The following TINAG variants were observed in gnomAD, a reference collection of about 807,000 sequenced individuals.
TINAG encodes the protein tubulointerstitial nephritis antigen.
Under a neutral mutation model 72.7 loss-of-function variants are expected in TINAG, and 83 were observed. The ratio of observed to expected loss-of-function variants is 1.14; its 90% CI spans 0.96 to 1.37. The LOEUF is 1.37. Among genes scored for constraint, TINAG ranks in the 40% most tolerant of loss-of-function variants. The pLI, the probability that TINAG is intolerant of heterozygous loss-of-function variation, is 0.00. For synonymous variants in TINAG, 234 were observed against 189.9 expected (o/e 1.23, Z -1.91); for missense variants, 685 against 576.6 (o/e 1.19, Z -1.93).
intron 5 of TINAG, among the ~76,000 whole-genome samples, chr6:54,345,419 G>A (rs931202310): frequency 6.6e-6 from 1 of 152,080 alleles, no homozygotes; most frequent in Non-Finnish European, 1.5e-5. Flanking sequence ...TATTATAAAC[G>A]AGGCCCAAAT....
intron 5 of TINAG, among the ~76,000 whole-genome samples, chr6:54,345,735 G>C (rs1785105166): frequency 6.6e-6 from 1 of 152,040 alleles, no homozygotes; most frequent in South Asian, 2.1e-4. Flanking sequence ...TGGGAATTTA[G>C]TAGGGAGCTG....
At chr6:54,322,367 C>T (rs113887658) in intron 3 of TINAG, among the ~76,000 whole-genome samples, 3 of 151,370 alleles carry the variant, frequency 2.0e-5, no homozygotes, top group South Asian at 2.1e-4. Context: ...AAGATACAGG[C>T]GCCAACACTG....
Position 54,349,757 on chromosome 6 carries a change from A to G in TINAG, c.941A>G (p.Asn314Ser). 1 of 1,603,394 alleles carries G rather than the reference A, an allele frequency of 6.2e-7. No homozygotes were observed. The highest frequency in any genetic ancestry group is 1.1e-5 in the South Asian group (1 of 89,672). The change falls in exon 7 of 11, where the codon AAT (asparagine) becomes AGT (serine). Residue 314 changes from asparagine (N) to serine (S), a missense_variant. Coordinates refer to ENST00000259782, the MANE Select transcript of TINAG (RefSeq NM_014464.4). Reference sequence around the variant, plus strand: ...TGCTACCCACTTTTCAAAGACCAAAATGCTACCAACAATGGATGTGCCATG... The same window carrying G: ...TGCTACCCACTTTTCAAAGACCAAAGTGCTACCAACAATGGATGTGCCATG... ...HACYPLFKDQ[N>S]ATNNGCAMAS...
intron 9 of TINAG, among the ~76,000 whole-genome samples, chr6:54,363,741 T>C (rs1423932363): frequency 6.6e-6 from 1 of 151,286 alleles, no homozygotes; most frequent in Non-Finnish European, 1.5e-5. Flanking sequence ...GAACATTCAA[T>C]ATTTATTTAC....
At position 54,366,058 on chromosome 6, in the gene TINAG, G is replaced by A. The variant is rs184428184; in HGVS notation, c.1250+11422G>A. On this transcript the variant is annotated intron_variant, in intron 9 of 10. Transcript: ENST00000259782. ...AACTATATCCATAATCACGGTAGTA[G>A]AACTATCACTAAACAACTGTAGTAG... is the stretch of plus-strand genomic sequence containing the variant. 4.6e-5 allele frequency among the ~76,000 whole-genome samples: 7 copies of A among 151,630 alleles called. No homozygotes were observed. The Admixed American group carries it at 4.6e-4, about 10-fold the overall frequency.
intron 9 of TINAG, among the ~76,000 whole-genome samples, chr6:54,362,180 C>G (rs1388411290): frequency 6.6e-6 from 1 of 151,676 alleles, no homozygotes; most frequent in Non-Finnish European, 1.5e-5. Context: ...AAACAGTCTT[C>G]TATTGGAAGA....
chr6:54,334,181 G>C (rs1180573812), intron 4 of TINAG, among the ~76,000 whole-genome samples: 1 of 152,176 alleles, frequency 6.6e-6, no homozygotes, highest in Non-Finnish European at 1.5e-5. Context: ...TTGAGATATT[G>C]ATTGTATTCA....
chr6:54,328,607 G>A (rs115821348), intron 4 of TINAG, among the ~76,000 whole-genome samples: 2,743 of 152,064 alleles, frequency 0.018, 93 homozygotes, highest in African/African-American at 0.061. Context: ...GAACAAAATT[G>A]GACAGAGAAT....
At chr6:54,346,931 T>G (rs951820769) in intron 5 of TINAG, among the ~76,000 whole-genome samples, 2 of 152,128 alleles carry the variant, frequency 1.3e-5, no homozygotes, top group Non-Finnish European at 2.9e-5. Context: ...TATGGTTAGT[T>G]TTCTTGATTG....
At chr6:54,389,657 A>ATAGG (rs1176869344) in intron 10 of TINAG, 134 bp from the exon 11 acceptor site, 1 of 1,093,698 alleles carries the variant, frequency 9.1e-7, no homozygotes, top group African/African-American at 1.6e-5. Context: ...TTATTTAAAA[A>ATAGG]TAGGTAAGTT....
chr6:54,313,947 C>T (rs1040454409), intron 1 of TINAG, among the ~76,000 whole-genome samples: 1 of 151,726 alleles, frequency 6.6e-6, no homozygotes, highest in African/African-American at 2.4e-5. Context: ...TTTATATATC[C>T]ATGATTGTGG....
At chr6:54,330,756 A>C (rs1360047513) in intron 4 of TINAG, among the ~76,000 whole-genome samples, 1 of 152,192 alleles carries the variant, frequency 6.6e-6, no homozygotes, top group Non-Finnish European at 1.5e-5. Context: ...AGACACAATA[A>C]AAAATGGTAA....
At chr6:54,351,448 A>G (rs1785265092) in intron 8 of TINAG, 51 bp downstream of exon 8, 1 of 1,542,004 alleles carries the variant, frequency 6.5e-7, no homozygotes, top group African/African-American at 1.4e-5. Context: ...TTAATAAACA[A>G]CATTACATTG....
chr6:54,308,044 A>T, upstream of TINAG: 1 of 1,549,734 alleles, frequency 6.5e-7, no homozygotes, highest in Non-Finnish European at 8.7e-7. Flanking sequence ...TATTGATATG[A>T]CAGATCCTAG....
At chr6:54,386,525 C>A (rs1159791058) in intron 10 of TINAG, among the ~76,000 whole-genome samples, 3 of 152,064 alleles carry the variant, frequency 2.0e-5, no homozygotes, top group Admixed American at 6.6e-5. Flanking sequence ...TTAGAGGATG[C>A]CTGAAGTTCC....
Position 54,320,644 on chromosome 6 carries a change from T to C in TINAG, c.419+2T>C, listed in dbSNP as rs775273837. The C allele has an allele frequency of 2.5e-6, 4 of 1,606,976 alleles. No homozygotes were observed. The African/African-American group carries it at 4.0e-5, about 16-fold the overall frequency. On this transcript the variant is annotated splice_donor_variant, in intron 2 of 10. Coordinates refer to ENST00000259782, the MANE Select transcript of TINAG (RefSeq NM_014464.4). LOFTEE classifies it high-confidence loss of function. Reference sequence around the variant, plus strand: ...AATTAAAGAAAACTGCAACTCCTGGTAATAAATTTAAGTGGCACAGAACTG... The same window carrying C: ...AATTAAAGAAAACTGCAACTCCTGGCAATAAATTTAAGTGGCACAGAACTG...
intron 4 of TINAG, among the ~76,000 whole-genome samples, chr6:54,342,576 G>A (rs1785023511): frequency 6.6e-6 from 1 of 151,956 alleles, no homozygotes; most frequent in African/African-American, 2.4e-5. Flanking sequence ...CACCATGTTG[G>A]CCAGGCTGGT....
chr6:54,389,726 A>G, intron 10 of TINAG, 65 bp from the exon 11 acceptor site: 6 of 1,534,144 alleles, frequency 3.9e-6, no homozygotes, highest in Admixed American at 2.3e-5. Context: ...TGAGTTCTCC[A>G]TGGCTTTTTT....
At chr6:54,327,332 C>T (rs1013594201) in intron 4 of TINAG, 11 of 656,840 alleles carry the variant, frequency 1.7e-5, no homozygotes, top group African/African-American at 5.7e-5. Context: ...TGTCACCTCA[C>T]CCAGGAAGAG....
Sources: allele counts gnomAD v4.1 joint callset (sites outside exome capture counted in the v4.1 genomes callset), GRCh38; gene constraint gnomAD v4.1.1; transcripts MANE v1.5; gene names NCBI Gene and HGNC (gene_info 2026-07-23, HGNC 2026-07-21).